DENND10: variants seen among roughly 807,000 people sequenced by gnomAD.
The protein encoded by DENND10 is DENN domain containing 10, also known as DENN domain-containing protein 10.
In DENND10, 24 loss-of-function variants were observed where a neutral mutation model predicts 43.6. The ratio of observed to expected loss-of-function variants is 0.55; its 90% CI spans 0.40 to 0.77. DENND10 has a LOEUF of 0.77. Among genes scored for constraint, DENND10 ranks in the 30% least tolerant of loss-of-function variants. The pLI is 0.00. For missense variants in DENND10, 303 were observed against 429.9 expected (o/e 0.70, Z 2.61); for synonymous variants, 125 against 157.6 (o/e 0.79, Z 1.55).
At chr10:119,135,617 G>GACAAATTC (rs1388376132) in intron 8 of DENND10, among the ~76,000 whole-genome samples, 1 of 151,800 alleles carries the variant, frequency 6.6e-6, no homozygotes, top group East Asian at 1.9e-4. Context: ...CACAGAGTTA[G>GACAAATTC]ACGGCAGAAT....
chr10:119,131,314 C>T (rs940871414), intron 7 of DENND10, among the ~76,000 whole-genome samples: 3 of 152,116 alleles, frequency 2.0e-5, no homozygotes, highest in Non-Finnish European at 2.9e-5. Context: ...AAAAATTAGC[C>T]GGGCGTGGTG....
intron 7 of DENND10, among the ~76,000 whole-genome samples, chr10:119,131,658 A>T (rs1034788929): frequency 2.1e-4 from 32 of 152,224 alleles, no homozygotes; most frequent in African/African-American, 7.7e-4. Flanking sequence ...AGATTCGATT[A>T]TGTGAGGTTT....
At chr10:119,110,918 T>C (rs80328535) in intron 2 of DENND10, among the ~76,000 whole-genome samples, 3 of 152,112 alleles carry the variant, frequency 2.0e-5, no homozygotes, top group African/African-American at 7.2e-5. Context: ...TTAAGAATAA[T>C]CTATTAATTT....
intron 5 of DENND10, among the ~76,000 whole-genome samples, chr10:119,122,028 C>T (rs1037928674): frequency 3.3e-5 from 5 of 151,920 alleles, no homozygotes; most frequent in South Asian, 2.1e-4. Flanking sequence ...TAATGTTGGC[C>T]GGGCATGGTG....
chr10:119,129,915 C>T (rs1333194071), intron 7 of DENND10, among the ~76,000 whole-genome samples: 1 of 152,184 alleles, frequency 6.6e-6, no homozygotes. Flanking sequence ...CAAATCACTT[C>T]AGAACTTAGC....
Position 119,126,937 on chromosome 10 carries a change from C to T in DENND10, c.695-2578C>T, listed in dbSNP as rs374358097. On this transcript the variant is annotated intron_variant, in intron 6 of 8. Coordinates refer to ENST00000361432, the MANE Select transcript of DENND10 (RefSeq NM_207009.4). Reference sequence around the variant, plus strand: ...TTTTTGAGACAGGGTCTTGCTCTGTCGCCCAGGCTGGAGTGCAGTGGCTCA... The same window carrying T: ...TTTTTGAGACAGGGTCTTGCTCTGTTGCCCAGGCTGGAGTGCAGTGGCTCA... Among the ~76,000 whole-genome samples the T allele has an allele frequency of 2.7e-3, 392 of 144,116 alleles. 2 individuals carry two copies. The highest frequency in any genetic ancestry group is 9.6e-3 in the African/African-American group (374 of 38,870). 94.5% of individuals were successfully genotyped at this position (144,116 alleles called of 152,430 possible). A position where few individuals can be genotyped will look rare whatever the true frequency, so the allele number is the denominator to read the frequency against.
intron 1 of DENND10, chr10:119,105,357 C>T (rs977036299): frequency 3.6e-5 from 6 of 168,472 alleles, no homozygotes; most frequent in Admixed American, 6.3e-5. Flanking sequence ...GCGCAATCAT[C>T]GCTCTCTGCA....
chr10:119,116,072 A>G (rs952147756), intron 3 of DENND10, among the ~76,000 whole-genome samples: 2 of 151,982 alleles, frequency 1.3e-5, no homozygotes, highest in Non-Finnish European at 2.9e-5. Flanking sequence ...CCCTCAAGTG[A>G]TCTGTCTTAA....
At chr10:119,120,854 G>A (rs890914392) in intron 5 of DENND10, among the ~76,000 whole-genome samples, 61 of 151,926 alleles carry the variant, frequency 4.0e-4, no homozygotes, top group African/African-American at 1.5e-3. Context: ...TTGCTGACCC[G>A]TTTCAGGTAA....
chr10:119,104,916 C>T (rs1844616311), intron 1 of DENND10: 1 of 152,572 alleles, frequency 6.6e-6, no homozygotes, highest in Non-Finnish European at 1.5e-5. Context: ...AGCCCCCAAC[C>T]CCCACCAGTG....
Position 119,108,205 on chromosome 10 carries a change from C to G in DENND10, c.252+41C>G, listed in dbSNP as rs1030902226. 4 of 1,462,002 alleles carry G rather than the reference C, an allele frequency of 2.7e-6. No individual in the cohort carries two copies. In the African/African-American group the frequency reaches 5.6e-5, roughly 21 times the overall value. The allele number at this position is 1,462,002 out of a possible 1,614,324, so 90.6% of individuals were successfully genotyped here. On this transcript the variant is annotated intron_variant, in intron 2 of 8. Coordinates refer to ENST00000361432, the MANE Select transcript of DENND10 (RefSeq NM_207009.4). Reference sequence around the variant, plus strand: ...GGTAAAAAAAAAACCCCAAAATAGGCTGGGCGCGGTGGCTCATGCCTGTAA... The same window carrying G: ...GGTAAAAAAAAAACCCCAAAATAGGGTGGGCGCGGTGGCTCATGCCTGTAA...
At position 119,104,115 on chromosome 10, in the gene DENND10, C is replaced by G; in HGVS notation, c.-28C>G. ...GCGAGGCCGGTCCTGCAGGCGGCAG[C>G]CAGAGCTGCGCGCCGCGGCGGCGGA... is the stretch of plus-strand genomic sequence containing the variant. On this transcript the variant is annotated 5_prime_UTR_variant, in exon 1 of 9. Transcript: ENST00000361432. 6.7e-7 allele frequency: 1 copy of G among 1,489,814 alleles called. No individual in the cohort carries two copies. Among genetic ancestry groups the G allele is most frequent in the South Asian group, 1.3e-5 (1 of 77,602 alleles). The allele number at this position is 1,489,814 out of a possible 1,614,324, so 92.3% of individuals were successfully genotyped here.
At chr10:119,136,413 CTAAA>C (rs534196544) in intron 8 of DENND10, 54 bp from the exon 9 acceptor site, 22 of 1,551,812 alleles carry the variant, frequency 1.4e-5, no homozygotes, top group Non-Finnish European at 1.6e-5. Flanking sequence ...ATTCTAGAGA[CTAAA>C]TATTCAAATT....
At chr10:119,129,398 T>C in intron 6 of DENND10, 117 bp from the exon 7 acceptor site, 1 of 675,268 alleles carries the variant, frequency 1.5e-6, no homozygotes, top group Non-Finnish European at 2.7e-6. Flanking sequence ...CAGCTAATGT[T>C]CCCGAATGAA....
intron 3 of DENND10, among the ~76,000 whole-genome samples, chr10:119,115,868 ATTC>A (rs1845243970): frequency 6.6e-6 from 1 of 151,214 alleles, no homozygotes. Flanking sequence ...GGTTCAAGCA[ATTC>A]TTCTGCCTCA....
chr10:119,135,469 G>T (rs984366124), intron 8 of DENND10, among the ~76,000 whole-genome samples: 2 of 152,104 alleles, frequency 1.3e-5, no homozygotes, highest in East Asian at 1.9e-4. Flanking sequence ...CTTTTGTTGG[G>T]GGGGAGAAAA....
chr10:119,129,735 T>G, intron 7 of DENND10, 113 bp downstream of exon 7: 1 of 711,358 alleles, frequency 1.4e-6, no homozygotes, highest in South Asian at 1.7e-5. Context: ...CTGCTGAAGA[T>G]GGATATTTCC....
chr10:119,129,326 G>A, intron 6 of DENND10, 189 bp from the exon 7 acceptor site: 1 of 580,896 alleles, frequency 1.7e-6, no homozygotes, highest in Non-Finnish European at 3.1e-6. Context: ...GGAATATCTG[G>A]CGTTGTGTGA....
At chr10:119,114,411 C>T (rs1845142515) in intron 3 of DENND10, 1 of 152,286 alleles carries the variant, frequency 6.6e-6, no homozygotes, top group African/African-American at 2.4e-5. Flanking sequence ...CCACACACAG[C>T]TTGCTGCTCA....
Sources: allele counts gnomAD v4.1 joint callset (sites outside exome capture counted in the v4.1 genomes callset), GRCh38; gene constraint gnomAD v4.1.1; transcripts MANE v1.5; gene names NCBI Gene and HGNC (gene_info 2026-07-23, HGNC 2026-07-21).